NEDD4L: variants seen among roughly 807,000 people sequenced by gnomAD.
NEDD4L encodes E3 ubiquitin-protein ligase NEDD4-like.
In NEDD4L, 54 loss-of-function variants were observed where a neutral mutation model predicts 148.9. The observed-to-expected ratio is 0.36, with a 90% CI of 0.29 to 0.45. NEDD4L has a LOEUF of 0.45. Among genes scored for constraint, NEDD4L ranks in the 20% least tolerant of loss-of-function variants. The pLI, the probability that NEDD4L is intolerant of heterozygous loss-of-function variation, is 1.00. For missense variants in NEDD4L, 856 were observed against 1,233.8 expected, an observed-to-expected ratio of 0.69 and a Z score of 4.59; for synonymous variants, 433 against 440.7, an observed-to-expected ratio of 0.98 and a Z score of 0.22.
chr18:58,235,228 T>C (rs763047673), intron 2 of NEDD4L, among the ~76,000 whole-genome samples: 6 of 152,116 alleles, frequency 3.9e-5, no homozygotes, highest in Non-Finnish European at 8.8e-5. Context: ...TTACTGTCTG[T>C]CCGGTACATT....
chr18:58,164,232 C>T (rs1301965669), intron 1 of NEDD4L, among the ~76,000 whole-genome samples: 1 of 152,108 alleles, frequency 6.6e-6, no homozygotes, highest in African/African-American at 2.4e-5. Context: ...CCATCCCGCA[C>T]ACCCCCACAG....
At chr18:58,182,585 T>C (rs1232539756) in intron 2 of NEDD4L, among the ~76,000 whole-genome samples, 4 of 148,946 alleles carry the variant, frequency 2.7e-5, no homozygotes, top group Non-Finnish European at 5.9e-5. Context: ...GCAACCTCAG[T>C]TCACTGCAAC....
chr18:58,250,573 G>A (rs535003186), intron 4 of NEDD4L, among the ~76,000 whole-genome samples: 51 of 152,260 alleles, frequency 3.3e-4, no homozygotes, highest in East Asian at 2.1e-3. Context: ...CCATCTGCTT[G>A]TTCTGTCGCT....
intron 1 of NEDD4L, among the ~76,000 whole-genome samples, chr18:58,103,621 G>A (rs1182283012): frequency 1.3e-5 from 2 of 152,086 alleles, no homozygotes; most frequent in African/African-American, 4.8e-5. Flanking sequence ...GGCTATTGGG[G>A]ATAAACCAGT....
chr18:58,187,100 G>A (rs550105853), intron 2 of NEDD4L, among the ~76,000 whole-genome samples: 5 of 152,312 alleles, frequency 3.3e-5, no homozygotes, highest in African/African-American at 1.2e-4. Context: ...AGGAAGGGCC[G>A]AGCATGAAGC....
chr18:58,219,225 T>C (rs1377411361), intron 2 of NEDD4L, among the ~76,000 whole-genome samples: 1 of 152,184 alleles, frequency 6.6e-6, no homozygotes, highest in Non-Finnish European at 1.5e-5. Context: ...AGAATGGAGG[T>C]GGCAGAATTG....
intron 16 of NEDD4L, among the ~76,000 whole-genome samples, chr18:58,344,191 C>G (rs891678435): frequency 1.8e-4 from 27 of 152,286 alleles, no homozygotes; most frequent in African/African-American, 6.3e-4. Context: ...GACCAGCAGC[C>G]TTATATTCAA....
At chr18:58,098,647 CATT>C (rs2084572483) in intron 1 of NEDD4L, among the ~76,000 whole-genome samples, 1 of 152,134 alleles carries the variant, frequency 6.6e-6, no homozygotes, top group Non-Finnish European at 1.5e-5. Context: ...CTGCCATCAT[CATT>C]GTCATTTCCT....
At chr18:58,082,102 A>ATATTTTTTTTTTTTTTTTTTTTTTTTT in intron 1 of NEDD4L, among the ~76,000 whole-genome samples, 2 of 48,832 alleles carry the variant, frequency 4.1e-5, no homozygotes, top group African/African-American at 1.3e-4. Context: ...ATATATATAT[A>ATATTTTTTTTTTTTTTTTTTTTTTTTT]TTTTTTTTTT....
chr18:58,058,937 A>G (rs1286692297), intron 1 of NEDD4L, among the ~76,000 whole-genome samples: 2 of 152,216 alleles, frequency 1.3e-5, no homozygotes, highest in Admixed American at 1.3e-4. Flanking sequence ...AGTCCCAAGC[A>G]CCGAATCAGA....
At chr18:58,095,635 G>T (rs545933040) in intron 1 of NEDD4L, among the ~76,000 whole-genome samples, 3 of 152,314 alleles carry the variant, frequency 2.0e-5, no homozygotes, top group African/African-American at 4.8e-5. Flanking sequence ...GGCATTGATC[G>T]ACACTGTGGA....
At chr18:58,389,367 C>T (rs549588477) in intron 28 of NEDD4L, 175 bp downstream of exon 28, 9 of 542,220 alleles carry the variant, frequency 1.7e-5, no homozygotes, top group Admixed American at 3.1e-5. Context: ...CGTGGTGGCT[C>T]CTCTGTAACT....
chr18:58,138,658 T>A (rs1484475740), intron 1 of NEDD4L, among the ~76,000 whole-genome samples: 1 of 152,104 alleles, frequency 6.6e-6, no homozygotes, highest in African/African-American at 2.4e-5. Context: ...AAGTCCATGA[T>A]CAAAGTACTG....
At chr18:58,145,981 C>T (rs1407643437) in intron 1 of NEDD4L, among the ~76,000 whole-genome samples, 1 of 152,048 alleles carries the variant, frequency 6.6e-6, no homozygotes, top group Admixed American at 6.6e-5. Flanking sequence ...TGAACAAGAC[C>T]TTGGGGCCAC....
intron 9 of NEDD4L, among the ~76,000 whole-genome samples, chr18:58,328,485 A>C (rs1354747640): frequency 6.6e-6 from 1 of 152,208 alleles, no homozygotes; most frequent in Non-Finnish European, 1.5e-5. Context: ...GCTGAAAAAA[A>C]TTCATGTTGG....
intron 1 of NEDD4L, among the ~76,000 whole-genome samples, chr18:58,115,129 C>T (rs1025136026): frequency 4.6e-5 from 7 of 152,116 alleles, no homozygotes; most frequent in Admixed American, 6.5e-5. Context: ...AAACCTTAGG[C>T]GTCTGATATT....
chr18:58,378,574 G>A (rs1046678143), intron 24 of NEDD4L, among the ~76,000 whole-genome samples: 1 of 152,218 alleles, frequency 6.6e-6, no homozygotes, highest in Non-Finnish European at 1.5e-5. Context: ...GCATGGACTT[G>A]CTGCCTCCCT....
chr18:58,073,830 G>T (rs1429529021), intron 1 of NEDD4L, among the ~76,000 whole-genome samples: 1 of 152,170 alleles, frequency 6.6e-6, no homozygotes. Context: ...TTATACATTT[G>T]AGAGGGGCAG....
chr18:58,335,382 C>A, intron 12 of NEDD4L, 96 bp from the exon 13 acceptor site: 2 of 990,446 alleles, frequency 2.0e-6, no homozygotes, highest in South Asian at 2.7e-5. Flanking sequence ...TCTCACGTCA[C>A]CTGCCTTACA....
Sources: allele counts gnomAD v4.1 joint callset (sites outside exome capture counted in the v4.1 genomes callset), GRCh38; gene constraint gnomAD v4.1.1; transcripts MANE v1.5; gene names NCBI Gene and HGNC (gene_info 2026-07-23, HGNC 2026-07-21).